Variants in KIAA0825 observed in about 807,000 individuals in gnomAD.
KIAA0825 encodes the protein uncharacterized protein KIAA0825.
A neutral mutation model predicts 147.6 loss-of-function variants in KIAA0825; 119 were observed. That is an observed-to-expected ratio of 0.81 (90% CI 0.69 to 0.94). KIAA0825 has a LOEUF of 0.94. Ranked by LOEUF, KIAA0825 falls within the 40% of genes least tolerant of loss-of-function variation. The pLI is 0.00. For synonymous variants in KIAA0825, 470 were observed against 518.1 expected (o/e 0.91, Z 1.26); for missense variants, 1,381 against 1,472.7 (o/e 0.94, Z 1.02).
At chr5:94,155,216 T>TC (rs1199346573) in intron 20 of KIAA0825, among the ~76,000 whole-genome samples, 1 of 119,634 alleles carries the variant, frequency 8.4e-6, no homozygotes, top group East Asian at 2.3e-4. Flanking sequence ...TTTCTTTCTT[T>TC]TTTTTTTTTT....
chr5:94,499,347 C>A (rs1056709908), intron 5 of KIAA0825, among the ~76,000 whole-genome samples: 3 of 152,158 alleles, frequency 2.0e-5, no homozygotes, highest in African/African-American at 7.2e-5. Flanking sequence ...AGCATTCCCC[C>A]CTGCATTGTG....
chr5:94,574,618 T>C (rs1780659717), intron 2 of KIAA0825, among the ~76,000 whole-genome samples: 2 of 150,634 alleles, frequency 1.3e-5, no homozygotes, highest in African/African-American at 4.9e-5. Flanking sequence ...TAGAAGTAGA[T>C]AATGTGTCAG....
At chr5:94,538,326 AAAT>A (rs1305531946) in intron 2 of KIAA0825, among the ~76,000 whole-genome samples, 8 of 152,210 alleles carry the variant, frequency 5.3e-5, no homozygotes, top group Non-Finnish European at 1.5e-5. Context: ...ATTTGAGAAG[AAAT>A]AAGTGCAGAA....
chr5:94,378,293 C>T (rs550866553), intron 20 of KIAA0825, among the ~76,000 whole-genome samples: 173 of 152,244 alleles, frequency 1.1e-3, no homozygotes, highest in Non-Finnish European at 9.7e-4. Context: ...GTCTGTTGAT[C>T]CCTTCTTTGT....
At chr5:94,420,860 T>C (rs1754095000) in intron 14 of KIAA0825, among the ~76,000 whole-genome samples, 2 of 152,172 alleles carry the variant, frequency 1.3e-5, no homozygotes. Context: ...TATTTTGTGA[T>C]AGGTTTTGGT....
At chr5:94,222,579 G>A (rs1583895139) in intron 20 of KIAA0825, among the ~76,000 whole-genome samples, 1 of 152,280 alleles carries the variant, frequency 6.6e-6, no homozygotes, top group South Asian at 2.1e-4. Context: ...AAGCAAGAAT[G>A]TTGTTTTCAA....
chr5:94,486,070 C>A (rs1160528254), intron 5 of KIAA0825, among the ~76,000 whole-genome samples: 1 of 151,792 alleles, frequency 6.6e-6, no homozygotes, highest in Non-Finnish European at 1.5e-5. Context: ...TTCTTAACTC[C>A]AATTTGTTGC....
chr5:94,394,324 T>C (rs1750332129), intron 17 of KIAA0825, among the ~76,000 whole-genome samples: 1 of 152,222 alleles, frequency 6.6e-6, no homozygotes, highest in South Asian at 2.1e-4. Flanking sequence ...GAGAAAGATG[T>C]AGCATTGTGC....
At chr5:94,353,605 C>T (rs1286247437) in intron 20 of KIAA0825, among the ~76,000 whole-genome samples, 1 of 152,180 alleles carries the variant, frequency 6.6e-6, no homozygotes, top group African/African-American at 2.4e-5. Flanking sequence ...ATTAGATTCA[C>T]TTCAAGGCAT....
At chr5:94,167,740 T>C (rs1176425473) in intron 20 of KIAA0825, among the ~76,000 whole-genome samples, 2 of 152,018 alleles carry the variant, frequency 1.3e-5, no homozygotes, top group Admixed American at 6.5e-5. Flanking sequence ...TAATGATAGA[T>C]TGGGCTATTC....
intron 20 of KIAA0825, among the ~76,000 whole-genome samples, chr5:94,175,120 A>G (rs1405722075): frequency 6.6e-6 from 1 of 152,202 alleles, no homozygotes; most frequent in Non-Finnish European, 1.5e-5. Flanking sequence ...GATCACTGGT[A>G]CTTTCCCTGA....
intron 6 of KIAA0825, among the ~76,000 whole-genome samples, chr5:94,482,712 A>G (rs1762623303): frequency 6.6e-6 from 1 of 152,020 alleles, no homozygotes; most frequent in Non-Finnish European, 1.5e-5. Context: ...TCAGGAATCT[A>G]TTTACATAAA....
At chr5:94,246,850 T>C (rs1412582456) in intron 20 of KIAA0825, among the ~76,000 whole-genome samples, 1 of 152,154 alleles carries the variant, frequency 6.6e-6, no homozygotes, top group Non-Finnish European at 1.5e-5. Flanking sequence ...TCCATGCTCC[T>C]TCCACACAGT....
chr5:94,285,551 TATTC>T (rs1360762694), intron 20 of KIAA0825, among the ~76,000 whole-genome samples: 1 of 152,162 alleles, frequency 6.6e-6, no homozygotes, highest in Non-Finnish European at 1.5e-5. Context: ...TGAAATCCCT[TATTC>T]AAGAGACAAG....
chr5:94,201,858 T>C (rs1451274058), intron 20 of KIAA0825, among the ~76,000 whole-genome samples: 1 of 152,120 alleles, frequency 6.6e-6, no homozygotes, highest in African/African-American at 2.4e-5. Context: ...AATTTATAGC[T>C]AAGGAGCAGT....
At chr5:94,262,121 T>G (rs567217696) in intron 20 of KIAA0825, among the ~76,000 whole-genome samples, 1 of 151,766 alleles carries the variant, frequency 6.6e-6, no homozygotes, top group African/African-American at 2.4e-5. Context: ...TTCTTACAAA[T>G]CCTAAAAGAA....
intron 5 of KIAA0825, among the ~76,000 whole-genome samples, chr5:94,486,424 A>G (rs903387112): frequency 6.6e-6 from 1 of 152,076 alleles, no homozygotes; most frequent in South Asian, 2.1e-4. Context: ...TCAAACTTGT[A>G]GTCCTATAAT....
intron 20 of KIAA0825, among the ~76,000 whole-genome samples, chr5:94,221,860 A>G (rs1195420440): frequency 6.6e-6 from 1 of 152,092 alleles, no homozygotes; most frequent in Non-Finnish European, 1.5e-5. Flanking sequence ...TTTCTCTCTC[A>G]GTAAGAATCT....
intron 14 of KIAA0825, among the ~76,000 whole-genome samples, chr5:94,434,909 G>C (rs1756143634): frequency 1.3e-5 from 2 of 152,106 alleles, no homozygotes; most frequent in Admixed American, 1.3e-4. Context: ...ATTTCAACAT[G>C]AGGTTTGAAG....
Sources: allele counts gnomAD v4.1 joint callset (sites outside exome capture counted in the v4.1 genomes callset), GRCh38; gene constraint gnomAD v4.1.1; transcripts MANE v1.5; gene names NCBI Gene and HGNC (gene_info 2026-07-23, HGNC 2026-07-21).